The following TATDN3 variants were observed in gnomAD, a reference collection of about 807,000 sequenced individuals.
TATDN3 encodes the protein TatD DNase domain containing 3.
A neutral mutation model predicts 40.1 loss-of-function variants in TATDN3; 29 were observed. The observed-to-expected ratio is 0.72, with a 90% CI of 0.54 to 0.99. The LOEUF (loss-of-function observed/expected upper bound fraction) is 0.99, where lower values mean the gene tolerates loss of function less well. Among genes scored for constraint, TATDN3 ranks in the 50% least tolerant of loss-of-function variants. The pLI is 0.00. For missense variants in TATDN3, 309 were observed against 321.9 expected (o/e 0.96, Z 0.31); for synonymous variants, 105 against 117.0 (o/e 0.90, Z 0.66).
Position 212,802,773 on chromosome 1 carries a change from C to CCCTA in TATDN3, c.321+10_321+11insCCTA, listed in dbSNP as rs1178024164. ...GTTGGCAATTGGAGAGGTAAACACC[C>CCCTA]ACTAACTGATCAAACAGCTTCTAAT... On this transcript the variant is annotated intron_variant, in intron 5 of 9. Coordinates refer to ENST00000366974, the MANE Select transcript of TATDN3 (RefSeq NM_001042552.3). The CCCTA allele has an allele frequency of 1.9e-6, 3 of 1,585,018 alleles. No individual in the cohort carries two copies. Among genetic ancestry groups the CCCTA allele is most frequent in the Admixed American group, 1.7e-5 (1 of 59,906 alleles).
chr1:212,809,460 A>G (rs1211265617), intron 8 of TATDN3, among the ~76,000 whole-genome samples: 6 of 151,972 alleles, frequency 3.9e-5, no homozygotes, highest in Non-Finnish European at 7.4e-5. Context: ...CGAGGCGGGC[A>G]GATCACGAGG....
chr1:212,811,372 A>G (rs1337168889), intron 8 of TATDN3, among the ~76,000 whole-genome samples: 3 of 151,882 alleles, frequency 2.0e-5, no homozygotes, highest in African/African-American at 7.3e-5. Flanking sequence ...ATCTCAAGTG[A>G]TCAGCCTGCC....
intron 7 of TATDN3, 127 bp downstream of exon 7, chr1:212,804,778 TC>T (rs767240691): frequency 3.0e-5 from 22 of 736,176 alleles, no homozygotes; most frequent in Non-Finnish European, 5.0e-5. Context: ...GGGGCAGAAA[TC>T]ATCTAAGATG....
intron 8 of TATDN3, among the ~76,000 whole-genome samples, chr1:212,809,610 G>A (rs138808371): frequency 0.02 from 3,005 of 151,844 alleles, 89 homozygotes; most frequent in African/African-American, 0.065. Flanking sequence ...CGTGAACCCG[G>A]GGGGGCAGAG....
At chr1:212,809,239 C>T (rs1286518446) in intron 8 of TATDN3, among the ~76,000 whole-genome samples, 1 of 152,120 alleles carries the variant, frequency 6.6e-6, no homozygotes, top group Admixed American at 6.6e-5. Flanking sequence ...GGAGTGACAG[C>T]TAATGGGTAT....
chr1:212,794,855 G>A (rs769099623), intron 1 of TATDN3: 10 of 633,694 alleles, frequency 1.6e-5, no homozygotes, highest in South Asian at 1.5e-4. Flanking sequence ...GATGAGGACA[G>A]AGAAATACCC....
At chr1:212,806,873 T>TATACATATGTATATACACATAC (rs1662562194) in intron 7 of TATDN3, among the ~76,000 whole-genome samples, 2 of 95,026 alleles carry the variant, frequency 2.1e-5, no homozygotes, top group Admixed American at 9.4e-5. Context: ...TATACACATA[T>TATACATATGTATATACACATAC]ATACATATGT....
chr1:212,811,688 TTTTTA>T (rs1258879637), intron 8 of TATDN3, among the ~76,000 whole-genome samples: 2 of 151,718 alleles, frequency 1.3e-5, no homozygotes, highest in African/African-American at 2.4e-5. Flanking sequence ...TGTATTTGTA[TTTTTA>T]TTTTATTATT....
chr1:212,796,534 T>A lies in TATDN3; in HGVS notation c.117T>A (p.Leu39=). 1 of 1,560,692 alleles carries A rather than the reference T, an allele frequency of 6.4e-7. No individual in the cohort carries two copies. The highest frequency in any genetic ancestry group is 1.4e-5 in the African/African-American group (1 of 72,376). The change falls in exon 3 of 10, where the codon CTT becomes CTA. Residue 39 remains leucine (L), a synonymous_variant. Coordinates refer to ENST00000366974, the MANE Select transcript of TATDN3 (RefSeq NM_001042552.3). Reference sequence around the variant, plus strand: ...TTTTTCAGGCCAATGTTGTGGCCCTTGTGGCAGTTGCCGAACATTCAGGAG... The same window carrying A: ...TTTTTCAGGCCAATGTTGTGGCCCTAGTGGCAGTTGCCGAACATTCAGGAG... ...EKAKKANVVA[L]VAVAEHSGEF...
At position 212,791,931 on chromosome 1, in the gene TATDN3, G is replaced by A. The variant is rs989514049; in HGVS notation, c.10G>A (p.Ala4Thr). 2 of 1,613,500 alleles carry A rather than the reference G, an allele frequency of 1.2e-6. No individual in the cohort carries two copies. Among genetic ancestry groups the A allele is most frequent in the Non-Finnish European group, 1.7e-6 (2 of 1,179,842 alleles). Residue 4 changes from alanine (A) to threonine (T), a missense_variant, in exon 1 of 10, where the codon GCT becomes ACT. Coordinates refer to ENST00000366974, the MANE Select transcript of TATDN3 (RefSeq NM_001042552.3). ...CAGCCGCCGGGGCGCAATGCGAGCG[G>A]CTGGCGTAGGCTTGGTGGACTGTCA... is the stretch of plus-strand genomic sequence containing the variant. MRA[A>T]GVGLVDCHCH...
intron 5 of TATDN3, 64 bp from the exon 6 acceptor site, chr1:212,804,255 TC>T: frequency 8.7e-7 from 1 of 1,147,292 alleles, no homozygotes; most frequent in Non-Finnish European, 1.3e-6. Flanking sequence ...ATAGCATCAA[TC>T]CAAAGATCTC....
intron 9 of TATDN3, among the ~76,000 whole-genome samples, chr1:212,813,864 C>T (rs1219663271): frequency 2.6e-5 from 4 of 152,226 alleles, no homozygotes; most frequent in Non-Finnish European, 5.9e-5. Context: ...GCTTGTGCCA[C>T]CACGCCCGGC....
At position 212,797,114 on chromosome 1, in the gene TATDN3, A is replaced by G. The variant is rs774499440; in HGVS notation, c.176A>G (p.Tyr59Cys). 12 of 1,613,762 alleles carry G rather than the reference A, an allele frequency of 7.4e-6. No individual in the cohort carries two copies. Among genetic ancestry groups the G allele is most frequent in the East Asian group, 6.7e-5 (3 of 44,898 alleles). The change falls in exon 4 of 10, where the codon TAT becomes TGT. Residue 59 changes from tyrosine to cysteine, a missense_variant and splice_region_variant. Coordinates refer to ENST00000366974, the MANE Select transcript of TATDN3 (RefSeq NM_001042552.3). ...CTCAGTTGGTTCTACATTTTTAGGT[A>G]TAATGGGTTTGTCCTGCCATGCTTG... Reference protein sequence around the residue: ...FEKIMQLSERYNGFVLPCLGV... With the variant: ...FEKIMQLSERCNGFVLPCLGV...
Position 212,794,030 on chromosome 1 carries a change from C to G in TATDN3, c.67-1065C>G, listed in dbSNP as rs547071860. ...GCGCAGTGGCTCATGCCTGTAATCT[C>G]AGCACTTTGGGAGGCCGAGGTGGGC... On this transcript the variant is annotated intron_variant, in intron 1 of 9. Transcript: ENST00000366974. 2.7e-4 allele frequency among the ~76,000 whole-genome samples: 41 copies of G among 152,244 alleles called. No individual in the cohort carries two copies. The South Asian group carries it at 7.5e-3, about 28-fold the overall frequency.
At chr1:212,797,865 C>CA (rs1661888251) in intron 4 of TATDN3, among the ~76,000 whole-genome samples, 3 of 152,160 alleles carry the variant, frequency 2.0e-5, no homozygotes, top group Non-Finnish European at 4.4e-5. Context: ...CGCACTGACT[C>CA]ACGATAGTTG....
chr1:212,809,296 G>GTGA (rs1662719574), intron 8 of TATDN3, among the ~76,000 whole-genome samples: 1 of 152,168 alleles, frequency 6.6e-6, no homozygotes, highest in South Asian at 2.1e-4. Context: ...CTAGATAATG[G>GTGA]TGATGATTGT....
intron 2 of TATDN3, 120 bp from the exon 3 acceptor site, chr1:212,796,395 TGA>T: frequency 1.5e-6 from 1 of 662,500 alleles, no homozygotes; most frequent in South Asian, 3.1e-5. Flanking sequence ...ATAGCCCTTC[TGA>T]TTGTATTGAT....
intron 4 of TATDN3, among the ~76,000 whole-genome samples, chr1:212,800,071 T>C (rs1377569707): frequency 6.6e-6 from 1 of 152,216 alleles, no homozygotes; most frequent in Non-Finnish European, 1.5e-5. Context: ...AAGCTAGGTA[T>C]GTAGTAAGTA....
intron 1 of TATDN3, chr1:212,792,895 G>A (rs569708113): frequency 6.6e-6 from 1 of 152,200 alleles, no homozygotes; most frequent in Non-Finnish European, 1.5e-5. Context: ...AATAATAGAG[G>A]ATTAAGGGGG....
Sources: gnomAD v4.1 joint callset for allele counts (sites outside exome capture counted in the v4.1 genomes callset) on GRCh38, gnomAD v4.1.1 for gene constraint, MANE v1.5 for transcripts, NCBI Gene and HGNC (gene_info 2026-07-23, HGNC 2026-07-21) for gene names.